The following PTPRN2 variants were observed in gnomAD, a reference collection of about 807,000 sequenced individuals.
PTPRN2 encodes receptor-type tyrosine-protein phosphatase N2.
In PTPRN2, 74 loss-of-function variants were observed where a neutral mutation model predicts 118.8. The ratio of observed to expected loss-of-function variants is 0.62; its 90% CI spans 0.52 to 0.76. PTPRN2 has a LOEUF of 0.76. Among genes scored for constraint, PTPRN2 ranks in the 30% least tolerant of loss-of-function variants. The probability of loss-of-function intolerance (pLI) is 0.00; values close to 1 mark genes in which losing one functional copy is unlikely to be tolerated. For missense variants in PTPRN2, 1,481 were observed against 1,394.4 expected (o/e 1.06, Z -0.99); for synonymous variants, 641 against 608.0 (o/e 1.05, Z -0.80).
intron 21 of PTPRN2, among the ~76,000 whole-genome samples, chr7:157,565,334 G>T (rs1418302790): frequency 6.6e-6 from 1 of 152,208 alleles, no homozygotes; most frequent in East Asian, 1.9e-4. Flanking sequence ...CAAGCCGTGG[G>T]GATTCATATT....
At chr7:158,533,727 C>A (rs927742748) in intron 1 of PTPRN2, among the ~76,000 whole-genome samples, 2 of 152,184 alleles carry the variant, frequency 1.3e-5, no homozygotes, top group Non-Finnish European at 2.9e-5. Context: ...TAACGGACAT[C>A]CTTTCGCCAC....
In PTPRN2 at chr7:157,578,171, G is replaced by A. The variant is rs368668578; in HGVS notation, c.2497-31C>T. On this transcript the variant is annotated intron_variant, in intron 17 of 22. Transcript: ENST00000389418. Reference sequence around the variant, plus strand: ...GACAAAGAAGGCCCGTGGCCGCGGTGTGACTGTCTCATCACCGCGTGACAT... The same window carrying A: ...GACAAAGAAGGCCCGTGGCCGCGGTATGACTGTCTCATCACCGCGTGACAT... 113 of 1,586,674 alleles carry A rather than the reference G, an allele frequency of 7.1e-5. No homozygotes were observed. In the Middle Eastern group the frequency reaches 1.8e-3, roughly 26 times the overall value.
intron 2 of PTPRN2, among the ~76,000 whole-genome samples, chr7:158,454,775 T>C (rs1432053284): frequency 1.3e-5 from 2 of 151,976 alleles, no homozygotes; most frequent in Non-Finnish European, 2.9e-5. Context: ...CAGAGTGGAG[T>C]GTGGATCATT....
chr7:158,117,445 A>C (rs111692552), intron 9 of PTPRN2, among the ~76,000 whole-genome samples: 1 of 152,196 alleles, frequency 6.6e-6, no homozygotes, highest in East Asian at 1.9e-4. Context: ...GAACCAGTAT[A>C]TGAATTGTGA....
intron 3 of PTPRN2, among the ~76,000 whole-genome samples, chr7:158,250,554 A>G (rs1796589449): frequency 6.6e-6 from 1 of 152,068 alleles, no homozygotes. Flanking sequence ...ATACATATGC[A>G]CACACACACG....
At chr7:158,344,251 C>A (rs967335349) in intron 2 of PTPRN2, among the ~76,000 whole-genome samples, 3 of 152,162 alleles carry the variant, frequency 2.0e-5, no homozygotes, top group Non-Finnish European at 2.9e-5. Context: ...AAGCCACCAG[C>A]CAGACCAGGC....
chr7:158,547,756 A>T (rs1826386899), intron 1 of PTPRN2, among the ~76,000 whole-genome samples: 1 of 152,152 alleles, frequency 6.6e-6, no homozygotes. Context: ...ATGCCTCATC[A>T]GCCCCCCACC....
At chr7:158,220,661 C>T (rs532085815) in intron 3 of PTPRN2, among the ~76,000 whole-genome samples, 1 of 151,840 alleles carries the variant, frequency 6.6e-6, no homozygotes, top group South Asian at 2.1e-4. Context: ...TTATAGCTAA[C>T]CAAGAAAGTG....
chr7:158,165,326 G>C (rs1157778771), intron 6 of PTPRN2, among the ~76,000 whole-genome samples: 1 of 152,208 alleles, frequency 6.6e-6, no homozygotes. Flanking sequence ...AGGTGCTGGA[G>C]GGAAAGTGGC....
intron 2 of PTPRN2, among the ~76,000 whole-genome samples, chr7:158,351,013 G>A (rs1807884809): frequency 6.6e-6 from 1 of 152,174 alleles, no homozygotes; most frequent in African/African-American, 2.4e-5. Context: ...AATCCCTGCA[G>A]AGAACAACGG....
chr7:158,171,252 CACAT>C (rs1483956044), intron 5 of PTPRN2, among the ~76,000 whole-genome samples: 1 of 133,330 alleles, frequency 7.5e-6, no homozygotes, highest in Non-Finnish European at 1.6e-5. Context: ...CATATATACA[CACAT>C]ATATATACAC....
At chr7:157,985,954 G>A (rs370470426) in intron 11 of PTPRN2, among the ~76,000 whole-genome samples, 44 of 152,046 alleles carry the variant, frequency 2.9e-4, no homozygotes, top group South Asian at 1.2e-3. Context: ...ACCCGGCCTC[G>A]CTTAGAAAGC....
At chr7:158,345,182 C>T (rs1807409098) in intron 2 of PTPRN2, among the ~76,000 whole-genome samples, 1 of 152,162 alleles carries the variant, frequency 6.6e-6, no homozygotes, top group Non-Finnish European at 1.5e-5. Context: ...ACTATGATGG[C>T]ATAAACACCC....
intron 6 of PTPRN2, among the ~76,000 whole-genome samples, chr7:158,166,010 G>C (rs1229691905): frequency 6.6e-6 from 1 of 152,054 alleles, no homozygotes; most frequent in African/African-American, 2.4e-5. Flanking sequence ...TCACATGCTG[G>C]GCCACAGGGA....
intron 19 of PTPRN2, among the ~76,000 whole-genome samples, chr7:157,573,001 A>G (rs946803311): frequency 6.6e-6 from 1 of 152,238 alleles, no homozygotes; most frequent in Non-Finnish European, 1.5e-5. Flanking sequence ...TGTATGCCAG[A>G]GTGCCTTGAA....
Position 158,573,483 on chromosome 7 carries a change from C to G in PTPRN2, c.112+14075G>C, listed in dbSNP as rs371309850. On this transcript the variant is annotated intron_variant, in intron 1 of 22. Coordinates refer to ENST00000389418, the MANE Select transcript of PTPRN2 (RefSeq NM_002847.5). Reference sequence around the variant, plus strand: ...GCTAGAAGCGGTCTGGAGGAGTGACCACTTCTCCTTTCTGACTGCCAGTGC... The same window carrying G: ...GCTAGAAGCGGTCTGGAGGAGTGACGACTTCTCCTTTCTGACTGCCAGTGC... 6.6e-5 allele frequency among the ~76,000 whole-genome samples: 10 copies of G among 152,126 alleles called. No individual in the cohort carries two copies. In the East Asian group the frequency reaches 1.9e-3, roughly 29 times the overall value.
At position 157,767,295 on chromosome 7, in the gene PTPRN2, A is replaced by G. The variant is rs549782306; in HGVS notation, c.1789-84358T>C. ...CCTTGGACCCTACCAATTTAAGGGG[A>G]CCACGGAAGCTTCTGAACAAGAAGG... On this transcript the variant is annotated intron_variant, in intron 12 of 22. Transcript: ENST00000389418. Among the ~76,000 whole-genome samples, 4 of 152,296 alleles carry G rather than the reference A, an allele frequency of 2.6e-5. No homozygotes were observed. The East Asian group carries it at 5.8e-4, about 22-fold the overall frequency.
chr7:158,240,468 G>A (rs12698175), intron 3 of PTPRN2, among the ~76,000 whole-genome samples: 3,821 of 152,118 alleles, frequency 0.025, 185 homozygotes, highest in African/African-American at 0.087. Flanking sequence ...TCACTCTGTC[G>A]CCCAGGCTGG....
At chr7:158,534,990 G>A (rs778978652) in intron 1 of PTPRN2, among the ~76,000 whole-genome samples, 23 of 152,280 alleles carry the variant, frequency 1.5e-4, no homozygotes, top group African/African-American at 4.1e-4. Context: ...GTATGCCCTC[G>A]CAGAAAGGAG....
Sources: allele counts gnomAD v4.1 joint callset (sites outside exome capture counted in the v4.1 genomes callset), GRCh38; gene constraint gnomAD v4.1.1; transcripts MANE v1.5; gene names NCBI Gene and HGNC (gene_info 2026-07-23, HGNC 2026-07-21).